PCDHGB4: variants seen among roughly 807,000 people sequenced by gnomAD.
PCDHGB4 encodes the protein protocadherin gamma-B4.
PCDHGB4 carries 38 observed loss-of-function variants against 60.5 expected under a neutral mutation model. The observed-to-expected ratio is 0.63, with a 90% CI of 0.48 to 0.82. PCDHGB4 has a LOEUF of 0.82. Ranked by LOEUF, PCDHGB4 falls within the 40% of genes least tolerant of loss-of-function variation. The pLI is 0.00. For synonymous variants in PCDHGB4, 456 were observed against 509.7 expected (o/e 0.89, Z 1.42); for missense variants, 1,109 against 1,209.6 (o/e 0.92, Z 1.23).
chr5:141,441,370 C>A (rs1378574921), intron 1 of PCDHGB4: 1 of 152,672 alleles, frequency 6.5e-6, no homozygotes, highest in African/African-American at 2.4e-5. Flanking sequence ...GGGCCGTGGA[C>A]CAGGAACAGA....
intron 1 of PCDHGB4, chr5:141,405,407 CTT>C (rs762612492): frequency 6.3e-7 from 1 of 1,581,924 alleles, no homozygotes; most frequent in African/African-American, 1.4e-5. Flanking sequence ...TCTTTCTTTT[CTT>C]TTTTTGTTTT....
chr5:141,495,103 C>T (rs1383918796), intron 2 of PCDHGB4, among the ~76,000 whole-genome samples: 2 of 152,132 alleles, frequency 1.3e-5, no homozygotes, highest in Non-Finnish European at 2.9e-5. Context: ...TCGCCACGAC[C>T]GGCACCTTTT....
At chr5:141,502,139 C>G (rs923501238) in intron 2 of PCDHGB4, among the ~76,000 whole-genome samples, 1 of 152,104 alleles carries the variant, frequency 6.6e-6, no homozygotes, top group Non-Finnish European at 1.5e-5. Flanking sequence ...TCAGTCGGGC[C>G]GGAAGTAAGG....
intron 1 of PCDHGB4, chr5:141,403,391 G>A: frequency 1.2e-6 from 2 of 1,614,046 alleles, no homozygotes; most frequent in Non-Finnish European, 1.7e-6. Flanking sequence ...CGAAATCGCG[G>A]TTCCTGGAGC....
rs944974638 is a variant in PCDHGB4, at chr5:141,393,886, A to C, written c.2397+3605A>C. 3.7e-6 allele frequency: 6 copies of C among 1,614,034 alleles called. No individual in the cohort carries two copies. In the East Asian group the frequency reaches 1.3e-4, roughly 36 times the overall value. On this transcript the variant is annotated intron_variant, in intron 1 of 3. Coordinates refer to ENST00000519479, the MANE Select transcript of PCDHGB4 (RefSeq NM_003736.4). ...ACGTCTTTGTTTAGCCCAGTGTTAG[A>C]AAATTCTCTTCCCGGGACAGTAATT...
intron 1 of PCDHGB4, chr5:141,409,447 AC>A (rs779658060): frequency 1.4e-4 from 222 of 1,613,890 alleles, no homozygotes; most frequent in Non-Finnish European, 1.8e-4. Context: ...GAGAGCAGAC[AC>A]CAGAATACAA....
At chr5:141,418,815 T>A in intron 1 of PCDHGB4, 1 of 1,613,864 alleles carries the variant, frequency 6.2e-7, no homozygotes, top group East Asian at 2.2e-5. Flanking sequence ...ACGATAAACA[T>A]AGAAGCAAAA....
chr5:141,484,941 C>T (rs2099604065), intron 1 of PCDHGB4: 2 of 543,888 alleles, frequency 3.7e-6, no homozygotes, highest in East Asian at 6.3e-5. Context: ...ACGTTCTCTG[C>T]TCAGCCTATT....
chr5:141,484,988 G>A (rs1187402042), intron 1 of PCDHGB4: 2 of 604,830 alleles, frequency 3.3e-6, no homozygotes, highest in Admixed American at 3.0e-5. Context: ...CAATCGGGTG[G>A]TGAAAGGCAG....
chr5:141,457,023 A>G (rs1339517071), intron 1 of PCDHGB4, among the ~76,000 whole-genome samples: 1 of 152,228 alleles, frequency 6.6e-6, no homozygotes, highest in Non-Finnish European at 1.5e-5. Flanking sequence ...AAAAAGTCCT[A>G]GTAGACTCAG....
intron 1 of PCDHGB4, 115 bp from the exon 2 acceptor site, chr5:141,494,692 C>G: frequency 6.3e-7 from 1 of 1,581,934 alleles, no homozygotes; most frequent in South Asian, 1.1e-5. Context: ...CCTCTTAGTC[C>G]GTTTTCTTCT....
intron 1 of PCDHGB4, among the ~76,000 whole-genome samples, chr5:141,472,863 G>A (rs2099301197): frequency 6.7e-6 from 1 of 149,994 alleles, no homozygotes. Context: ...GCACATGCCT[G>A]TATTCCCAGC....
intron 1 of PCDHGB4, chr5:141,421,860 C>G: frequency 8.1e-6 from 13 of 1,613,750 alleles, no homozygotes; most frequent in Non-Finnish European, 1.1e-5. Context: ...CTCACCTGCT[C>G]CTCCTCACAG....
At chr5:141,397,632 G>A (rs1338700585) in intron 1 of PCDHGB4, among the ~76,000 whole-genome samples, 2 of 152,222 alleles carry the variant, frequency 1.3e-5, no homozygotes, top group African/African-American at 4.8e-5. Context: ...CTAGCTAAGA[G>A]TTCAAGGTAT....
intron 1 of PCDHGB4, among the ~76,000 whole-genome samples, chr5:141,443,829 A>G (rs1387307023): frequency 6.6e-6 from 1 of 152,228 alleles, no homozygotes; most frequent in Non-Finnish European, 1.5e-5. Flanking sequence ...ATAATTAGGT[A>G]AAATGGGTAA....
intron 1 of PCDHGB4, among the ~76,000 whole-genome samples, chr5:141,456,179 A>G (rs1161415053): frequency 6.6e-6 from 1 of 151,860 alleles, no homozygotes; most frequent in Non-Finnish European, 1.5e-5. Context: ...TTACAGAATA[A>G]TTTCTTAATA....
At chr5:141,454,283 T>G (rs2098785864) in intron 1 of PCDHGB4, among the ~76,000 whole-genome samples, 1 of 152,134 alleles carries the variant, frequency 6.6e-6, no homozygotes, top group Non-Finnish European at 1.5e-5. Flanking sequence ...AACTTCACAT[T>G]AAAGGAACTC....
intron 1 of PCDHGB4, chr5:141,416,320 A>G (rs1482631457): frequency 1.3e-5 from 2 of 152,208 alleles, no homozygotes; most frequent in East Asian, 1.9e-4. Flanking sequence ...TAGCATTTTA[A>G]TTTAACTTTC....
In PCDHGB4 at chr5:141,485,910, G is replaced by C. The variant is rs142273728; in HGVS notation, c.2398-8897G>C. On this transcript the variant is annotated intron_variant, in intron 1 of 3. Transcript: ENST00000519479. The surrounding 1 kb of genome is among the most constrained non-coding windows in gnomAD (Gnocchi z 5.7). ...AACGCCCCAGCCTTCCAGCAATCCAGCTACAGGATTAGTGTGTTGGAGAGC... is the reference window on the plus strand; with the variant it reads ...AACGCCCCAGCCTTCCAGCAATCCACCTACAGGATTAGTGTGTTGGAGAGC... The C allele has an allele frequency of 1.2e-6, 2 of 1,614,078 alleles. No homozygotes were observed. Among genetic ancestry groups the C allele is most frequent in the African/African-American group, 2.7e-5 (2 of 74,932 alleles).
Sources: gnomAD v4.1 joint callset for allele counts (sites outside exome capture counted in the v4.1 genomes callset) on GRCh38, gnomAD v4.1.1 for gene constraint, Gnocchi (gnomAD v3.1) non-coding constraint, MANE v1.5 for transcripts, NCBI Gene and HGNC (gene_info 2026-07-23, HGNC 2026-07-21) for gene names.